The following HIVEP3 variants were observed in gnomAD, a reference collection of about 807,000 sequenced individuals.
HIVEP3 encodes the protein transcription factor HIVEP3.
HIVEP3 carries 49 observed loss-of-function variants against 152.8 expected under a neutral mutation model. That is an observed-to-expected ratio of 0.32 (90% CI 0.26 to 0.41). The LOEUF (loss-of-function observed/expected upper bound fraction) is 0.41, where lower values mean the gene tolerates loss of function less well. Ranked by LOEUF, HIVEP3 falls within the 10% of genes least tolerant of loss-of-function variation. The pLI, the probability that HIVEP3 is intolerant of heterozygous loss-of-function variation, is 1.00. For synonymous variants in HIVEP3, 1,269 were observed against 1,289.0 expected (o/e 0.98, Z 0.33); for missense variants, 2,790 against 3,103.3 (o/e 0.90, Z 2.40).
chr1:41,628,913 A>G lies in HIVEP3; in HGVS notation c.-686T>C. Reference sequence around the variant, plus strand: ...AGGACCCCGCGAGGCTCCTCCATGAACTAGGTTGAGGCTGCTGGGTTTGTG... The same window carrying G: ...AGGACCCCGCGAGGCTCCTCCATGAGCTAGGTTGAGGCTGCTGGGTTTGTG... On this transcript the variant is annotated 5_prime_UTR_variant, in exon 3 of 9. Coordinates refer to ENST00000372583, the MANE Select transcript of HIVEP3 (RefSeq NM_024503.5). The G allele has an allele frequency of 8.1e-7, 1 of 1,231,492 alleles. No homozygotes were observed. The highest frequency in any genetic ancestry group is 1.0e-6 in the Non-Finnish European group (1 of 987,758). 76.3% of individuals were successfully genotyped at this position (1,231,492 alleles called of 1,614,324 possible). A position where few individuals can be genotyped will look rare whatever the true frequency, so the allele number is the denominator to read the frequency against.
intron 1 of HIVEP3, among the ~76,000 whole-genome samples, chr1:41,840,096 C>T (rs1643242709): frequency 6.6e-6 from 1 of 152,134 alleles, no homozygotes; most frequent in South Asian, 2.1e-4. Flanking sequence ...TGGCTCTCGT[C>T]GCGCCTCCTT....
At chr1:41,973,831 G>A (rs1460954198) in intron 1 of HIVEP3, among the ~76,000 whole-genome samples, 2 of 152,322 alleles carry the variant, frequency 1.3e-5, no homozygotes, top group Middle Eastern at 3.4e-3. Context: ...CCCTGAGAAA[G>A]AGCATCCAAG....
chr1:42,020,676 C>A (rs574051670), intron 1 of HIVEP3, among the ~76,000 whole-genome samples: 2 of 152,192 alleles, frequency 1.3e-5, no homozygotes, highest in South Asian at 4.2e-4. Context: ...AACTATACAC[C>A]AGGCATTATT....
At chr1:41,607,751 G>A (rs1030933967) in intron 3 of HIVEP3, among the ~76,000 whole-genome samples, 2 of 152,216 alleles carry the variant, frequency 1.3e-5, no homozygotes, top group African/African-American at 4.8e-5. Flanking sequence ...CCTATAACAA[G>A]GACCTAACTG....
chr1:41,714,344 G>A (rs1646558424), intron 1 of HIVEP3, among the ~76,000 whole-genome samples: 1 of 152,160 alleles, frequency 6.6e-6, no homozygotes, highest in South Asian at 2.1e-4. Context: ...AGGCAAAGAT[G>A]CATTTATTGA....
At chr1:41,626,530 A>C (rs1285024758) in intron 3 of HIVEP3, among the ~76,000 whole-genome samples, 1 of 152,164 alleles carries the variant, frequency 6.6e-6, no homozygotes, top group Non-Finnish European at 1.5e-5. Context: ...CCAAGTCTGC[A>C]GAGGACCCCC....
chr1:41,782,565 CTACTAAAAA>C (rs1649107860), intron 1 of HIVEP3, among the ~76,000 whole-genome samples: 1 of 151,992 alleles, frequency 6.6e-6, no homozygotes, highest in African/African-American at 2.4e-5. Context: ...AACCCTGTCT[CTACTAAAAA>C]TACAAAAATT....
At chr1:41,872,723 G>A (rs963225726) in intron 1 of HIVEP3, among the ~76,000 whole-genome samples, 7 of 152,182 alleles carry the variant, frequency 4.6e-5, no homozygotes, top group African/African-American at 1.7e-4. Flanking sequence ...TTTTGCATGT[G>A]TCGGTAGTTT....
At chr1:41,612,989 T>C (rs996162898) in intron 3 of HIVEP3, among the ~76,000 whole-genome samples, 18 of 152,310 alleles carry the variant, frequency 1.2e-4, no homozygotes, top group African/African-American at 3.8e-4. Flanking sequence ...GCAGGGTGAA[T>C]GCAGCACCTC....
At chr1:41,731,098 C>A (rs1646832588) in intron 1 of HIVEP3, among the ~76,000 whole-genome samples, 1 of 152,164 alleles carries the variant, frequency 6.6e-6, no homozygotes, top group Non-Finnish European at 1.5e-5. Flanking sequence ...CATGCCCATT[C>A]TTTGAACAAG....
chr1:41,554,146 G>A (rs956757484), intron 5 of HIVEP3, among the ~76,000 whole-genome samples: 1 of 152,192 alleles, frequency 6.6e-6, no homozygotes, highest in East Asian at 1.9e-4. Context: ...ATCAAATGTA[G>A]ATTTGGTCTT....
chr1:41,576,078 G>C (rs2759251), intron 4 of HIVEP3, among the ~76,000 whole-genome samples: 43,692 of 152,164 alleles, frequency 0.29, 7,433 homozygotes, highest in Non-Finnish European at 0.39. Flanking sequence ...CTTAAATAAT[G>C]TTGAACACAT....
intron 1 of HIVEP3, among the ~76,000 whole-genome samples, chr1:41,767,852 C>T (rs1162813683): frequency 2.6e-5 from 4 of 152,194 alleles, no homozygotes; most frequent in African/African-American, 4.8e-5. Context: ...TCCACTGGAT[C>T]GTGTTTGTCA....
chr1:41,905,200 T>C (rs1426141159), intron 1 of HIVEP3, among the ~76,000 whole-genome samples: 2 of 152,166 alleles, frequency 1.3e-5, no homozygotes, highest in Admixed American at 6.5e-5. Context: ...TAGTTTATAG[T>C]TATGTTTTTC....
At chr1:41,735,386 C>T (rs1440462968) in intron 1 of HIVEP3, among the ~76,000 whole-genome samples, 1 of 152,196 alleles carries the variant, frequency 6.6e-6, no homozygotes, top group Non-Finnish European at 1.5e-5. Context: ...GCACTTCTCA[C>T]ATCTGATTGA....
chr1:42,030,499 G>T (rs1421167966), intron 1 of HIVEP3, among the ~76,000 whole-genome samples: 5 of 152,180 alleles, frequency 3.3e-5, no homozygotes, highest in Admixed American at 2.6e-4. Flanking sequence ...ACTCTAAGTA[G>T]ACTTCTTCTC....
At chr1:41,674,187 G>A (rs979480163) in intron 2 of HIVEP3, among the ~76,000 whole-genome samples, 2 of 152,150 alleles carry the variant, frequency 1.3e-5, no homozygotes, top group African/African-American at 4.8e-5. Context: ...CTCATGCCCC[G>A]CCAGGTCTCC....
rs188835229 is a variant in HIVEP3 at position 41,931,903 on chromosome 1, A to G, written n.120-13379T>C. 1.1e-4 allele frequency among the ~76,000 whole-genome samples: 17 copies of G among 151,928 alleles called. No individual in the cohort carries two copies. In the East Asian group the frequency reaches 2.7e-3, roughly 24 times the overall value. ...ACAATAAAGTTACACGTGAAAAGAC[A>G]TTGTTTCCTTTCTTCCTTTTAAATC... On this transcript the variant is annotated intron_variant and non_coding_transcript_variant, in intron 1 of 3. Coordinates refer to the HIVEP3 transcript ENST00000489103.
At chr1:41,825,264 G>A (rs965931262) in intron 1 of HIVEP3, among the ~76,000 whole-genome samples, 1 of 152,066 alleles carries the variant, frequency 6.6e-6, no homozygotes, top group Non-Finnish European at 1.5e-5. Context: ...TCACGAGGGC[G>A]GGGAGGGCAT....
Sources: gnomAD v4.1 joint callset for allele counts (sites outside exome capture counted in the v4.1 genomes callset) on GRCh38, gnomAD v4.1.1 for gene constraint, MANE v1.5 for transcripts, NCBI Gene and HGNC (gene_info 2026-07-23, HGNC 2026-07-21) for gene names.